BAZ2B: variants seen among roughly 807,000 people sequenced by gnomAD.
BAZ2B encodes bromodomain adjacent to zinc finger domain protein 2B.
In BAZ2B, 91 loss-of-function variants were observed where a neutral mutation model predicts 246.0. That is an observed-to-expected ratio of 0.37 (90% CI 0.31 to 0.44). The LOEUF is 0.44. Ranked by LOEUF, BAZ2B falls within the 20% of genes least tolerant of loss-of-function variation. The probability of loss-of-function intolerance (pLI) is 1.00; values close to 1 mark genes in which losing one functional copy is unlikely to be tolerated. For synonymous variants in BAZ2B, 855 were observed against 860.0 expected (o/e 0.99, Z 0.10); for missense variants, 2,332 against 2,533.7 (o/e 0.92, Z 1.71).
chr2:159,653,866 T>C, the BAZ2B span, among the ~76,000 whole-genome samples: 48 of 152,296 alleles, frequency 3.2e-4, no homozygotes, highest in African/African-American at 1.2e-3. Flanking sequence ...GTTGAGCCTA[T>C]AGAATACTAA....
intron 3 of BAZ2B, among the ~76,000 whole-genome samples, chr2:159,455,057 A>G (rs1448424233): frequency 6.6e-6 from 1 of 152,126 alleles, no homozygotes; most frequent in Non-Finnish European, 1.5e-5. Context: ...TTAAGAATTT[A>G]CTGTGTGAAC....
chr2:159,399,361 ATTT>A (rs2064598272), intron 17 of BAZ2B, among the ~76,000 whole-genome samples: 1 of 152,096 alleles, frequency 6.6e-6, no homozygotes, highest in Admixed American at 6.5e-5. Context: ...TTTAAAATTT[ATTT>A]TTAATACTTG....
chr2:159,448,516 G>A (rs1240323680), intron 4 of BAZ2B, 107 bp from the exon 5 acceptor site: 2 of 1,290,908 alleles, frequency 1.5e-6, no homozygotes. Context: ...GTTTCATCTT[G>A]GAACAAAACT....
chr2:159,529,329 T>C (rs766298551), intron 2 of BAZ2B, among the ~76,000 whole-genome samples: 40 of 151,976 alleles, frequency 2.6e-4, no homozygotes, highest in Non-Finnish European at 5.1e-4. Flanking sequence ...AAAAAAGACA[T>C]ATGCTTAAAT....
chr2:159,664,032 C>T, the BAZ2B span, among the ~76,000 whole-genome samples: 2 of 65,298 alleles, frequency 3.1e-5, no homozygotes, highest in Non-Finnish European at 6.0e-5. Flanking sequence ...CCCCCTCCCC[C>T]GACCCCACCA....
At chr2:159,353,912 G>C (rs1192802394) in intron 27 of BAZ2B, among the ~76,000 whole-genome samples, 1 of 152,062 alleles carries the variant, frequency 6.6e-6, no homozygotes, top group Non-Finnish European at 1.5e-5. Flanking sequence ...TTAAACAAAG[G>C]TCAAGAATAC....
chr2:159,616,698 T>C (rs545168017), upstream of BAZ2B: 7 of 152,244 alleles, frequency 4.6e-5, no homozygotes, highest in South Asian at 1.5e-3. Flanking sequence ...AGGGAGGGGG[T>C]TGCTTCTTCT....
At chr2:159,348,004 G>C (rs150973229) in intron 30 of BAZ2B, among the ~76,000 whole-genome samples, 412 of 152,150 alleles carry the variant, frequency 2.7e-3, no homozygotes, top group African/African-American at 9.5e-3. Context: ...CCAAAACCTA[G>C]AGATGTTCAC....
chr2:159,333,217 T>C (rs2065069592), intron 33 of BAZ2B, among the ~76,000 whole-genome samples: 1 of 152,142 alleles, frequency 6.6e-6, no homozygotes, highest in East Asian at 1.9e-4. Context: ...TTGTGATAGA[T>C]TGGAAAATGT....
chr2:159,366,384 C>A (rs1576159019), intron 27 of BAZ2B, among the ~76,000 whole-genome samples: 1 of 152,204 alleles, frequency 6.6e-6, no homozygotes, highest in East Asian at 1.9e-4. Context: ...ATGTGAAAGG[C>A]ATGCTTACCC....
the BAZ2B span, among the ~76,000 whole-genome samples, chr2:159,688,447 AT>A: frequency 6.6e-6 from 1 of 152,148 alleles, no homozygotes; most frequent in Admixed American, 6.5e-5. Flanking sequence ...TTATAAAGAT[AT>A]TTTTCATCAT....
intron 20 of BAZ2B, chr2:159,392,294 T>C (rs1416048966): frequency 1.3e-5 from 2 of 152,166 alleles, no homozygotes; most frequent in Non-Finnish European, 2.9e-5. Context: ...GTATATGCCA[T>C]ACCTACTGTC....
chr2:159,416,272 T>C (rs2067692867), intron 13 of BAZ2B, among the ~76,000 whole-genome samples: 1 of 152,212 alleles, frequency 6.6e-6, no homozygotes, highest in African/African-American at 2.4e-5. Context: ...ATGAAAATTT[T>C]TTGCTGAGAT....
the BAZ2B span, among the ~76,000 whole-genome samples, chr2:159,705,642 C>T: frequency 2.0e-5 from 3 of 152,066 alleles, 1 homozygote; most frequent in South Asian, 4.1e-4. Context: ...AAATTAGATC[C>T]TATTATCTTA....
rs1420909728 is a variant in BAZ2B, at chr2:159,616,481, CAGG to C, written c.-288_-286del. On this transcript the variant is annotated 5_prime_UTR_variant, in exon 1 of 37. Coordinates refer to ENST00000392783, the MANE Select transcript of BAZ2B (RefSeq NM_013450.4). ...GTTCCTATCCAGCAGCAGATTGAAG[CAGG>C]AGATGATTCTTCTCAAGGTTTGTTC... 1 of 152,172 alleles carries C rather than the reference CAGG, an allele frequency of 6.6e-6. No individual in the cohort carries two copies. Among genetic ancestry groups the C allele is most frequent in the African/African-American group, 2.4e-5 (1 of 41,438 alleles). The allele number at this position is 152,172 out of a possible 1,614,324, so 9.4% of individuals were successfully genotyped here.
intron 14 of BAZ2B, among the ~76,000 whole-genome samples, chr2:159,407,183 C>T (rs895768343): frequency 2.6e-5 from 4 of 152,024 alleles, no homozygotes; most frequent in South Asian, 2.1e-4. Context: ...GAAAAAAACC[C>T]ACAACTGGCT....
chr2:159,649,793 T>G, the BAZ2B span, among the ~76,000 whole-genome samples: 1 of 152,322 alleles, frequency 6.6e-6, no homozygotes, highest in South Asian at 2.1e-4. Context: ...CTGCCTTCCC[T>G]TCCTTAAAGG....
the BAZ2B span, among the ~76,000 whole-genome samples, chr2:159,703,430 T>A: frequency 1.3e-5 from 2 of 151,992 alleles, no homozygotes; most frequent in African/African-American, 4.8e-5. Flanking sequence ...GTGATAAACA[T>A]AAGCTTAAAA....
intron 1 of BAZ2B, among the ~76,000 whole-genome samples, chr2:159,601,910 C>T (rs932383101): frequency 6.6e-6 from 1 of 151,986 alleles, no homozygotes; most frequent in Admixed American, 6.6e-5. Context: ...ATTCTTTATA[C>T]AATAAAGTTA....
Sources: allele counts gnomAD v4.1 joint callset (sites outside exome capture counted in the v4.1 genomes callset), GRCh38; gene constraint gnomAD v4.1.1; transcripts MANE v1.5; gene names NCBI Gene and HGNC (gene_info 2026-07-23, HGNC 2026-07-21).